GRM7: variants seen among roughly 807,000 people sequenced by gnomAD.
The protein encoded by GRM7 is metabotropic glutamate receptor 7.
A neutral mutation model predicts 84.5 loss-of-function variants in GRM7; 35 were observed. The ratio of observed to expected loss-of-function variants is 0.41; its 90% CI spans 0.32 to 0.55. The LOEUF is 0.55. GRM7 is among the 20% of genes least tolerant of loss of function. The pLI is 0.19. For synonymous variants in GRM7, 487 were observed against 455.1 expected (o/e 1.07, Z -0.89); for missense variants, 1,003 against 1,194.6 (o/e 0.84, Z 2.36).
At chr3:7,263,073 AG>A (rs1483015285) in intron 2 of GRM7, among the ~76,000 whole-genome samples, 6 of 152,174 alleles carry the variant, frequency 3.9e-5, no homozygotes, top group Non-Finnish European at 2.9e-5. Context: ...CAAGGTTTGA[AG>A]TTGCTGTCTT....
chr3:7,639,074 T>A (rs1698242155), intron 8 of GRM7, among the ~76,000 whole-genome samples: 1 of 152,146 alleles, frequency 6.6e-6, no homozygotes, highest in African/African-American at 2.4e-5. Context: ...CTTAAAACCT[T>A]CCACCTCTGT....
chr3:7,084,530 G>A (rs1698379132), intron 1 of GRM7, among the ~76,000 whole-genome samples: 1 of 152,154 alleles, frequency 6.6e-6, no homozygotes, highest in African/African-American at 2.4e-5. Flanking sequence ...ATGAGAAAAG[G>A]GATAACACTG....
chr3:7,422,703 C>G (rs1420020400), intron 5 of GRM7, among the ~76,000 whole-genome samples: 1 of 152,138 alleles, frequency 6.6e-6, no homozygotes, highest in Admixed American at 6.6e-5. Flanking sequence ...CCATATAACA[C>G]TGGCTTTTAG....
chr3:7,583,938 A>G (rs1221441680), intron 8 of GRM7, among the ~76,000 whole-genome samples: 2 of 152,190 alleles, frequency 1.3e-5, no homozygotes, highest in Non-Finnish European at 2.9e-5. Flanking sequence ...CTAATGGTCA[A>G]TGTAGGTCTT....
At chr3:7,403,814 T>C (rs1695561640) in intron 4 of GRM7, among the ~76,000 whole-genome samples, 1 of 151,106 alleles carries the variant, frequency 6.6e-6, no homozygotes, top group Non-Finnish European at 1.5e-5. Context: ...TATAAGAATA[T>C]GTGTGTGTGG....
intron 1 of GRM7, among the ~76,000 whole-genome samples, chr3:7,096,702 A>G (rs961033091): frequency 6.6e-6 from 1 of 152,204 alleles, no homozygotes; most frequent in African/African-American, 2.4e-5. Flanking sequence ...CAAAATTCCA[A>G]TGCTCTATTC....
At chr3:7,320,060 ATATAAT>A (rs564104826) in intron 4 of GRM7, among the ~76,000 whole-genome samples, 183 of 152,052 alleles carry the variant, frequency 1.2e-3, no homozygotes, top group South Asian at 0.01. Context: ...CTTTATATAA[ATATAAT>A]TATTTATTTA....
chr3:7,676,587 T>A (rs1295996806), intron 8 of GRM7, among the ~76,000 whole-genome samples: 2 of 21,626 alleles, frequency 9.2e-5, no homozygotes, highest in Non-Finnish European at 1.4e-4. Flanking sequence ...GCCTCCTGAG[T>A]TACTGGGATT....
At chr3:6,889,216 C>G (rs1191680065) in intron 1 of GRM7, among the ~76,000 whole-genome samples, 1 of 151,984 alleles carries the variant, frequency 6.6e-6, no homozygotes, top group Non-Finnish European at 1.5e-5. Context: ...AATTGAATGC[C>G]CTTTATTTCC....
At chr3:7,426,118 T>C (rs112846778) in intron 5 of GRM7, among the ~76,000 whole-genome samples, 3 of 142,316 alleles carry the variant, frequency 2.1e-5, no homozygotes, top group Non-Finnish European at 4.6e-5. Context: ...TTCTTTCTTT[T>C]TCTTTTTCTT....
At chr3:6,879,011 G>C (rs1695414555) in intron 1 of GRM7, among the ~76,000 whole-genome samples, 1 of 152,158 alleles carries the variant, frequency 6.6e-6, no homozygotes, top group Admixed American at 6.5e-5. Context: ...AGTTTACAGA[G>C]ACCCATAGGA....
chr3:7,099,976 A>T (rs1414793782), intron 1 of GRM7, among the ~76,000 whole-genome samples: 1 of 148,056 alleles, frequency 6.8e-6, no homozygotes, highest in Admixed American at 6.8e-5. Flanking sequence ...ATACATATAT[A>T]ATTGCATATG....
intron 1 of GRM7, among the ~76,000 whole-genome samples, chr3:7,041,289 T>C (rs991512109): frequency 6.6e-6 from 1 of 152,162 alleles, no homozygotes; most frequent in African/African-American, 2.4e-5. Context: ...CTAATTCTCC[T>C]GACTCCTTCC....
At chr3:7,451,508 A>C (rs182979489) in intron 5 of GRM7, among the ~76,000 whole-genome samples, 17 of 152,294 alleles carry the variant, frequency 1.1e-4, no homozygotes, top group African/African-American at 4.1e-4. Flanking sequence ...TAACAGCAAC[A>C]ATAGTCACAC....
chr3:7,617,009 A>G (rs1447765377), intron 8 of GRM7, among the ~76,000 whole-genome samples: 3 of 152,016 alleles, frequency 2.0e-5, no homozygotes, highest in Admixed American at 1.3e-4. Flanking sequence ...AGTGTTAGTG[A>G]CTTACTGTAT....
intron 2 of GRM7, among the ~76,000 whole-genome samples, chr3:7,276,977 G>A (rs993370216): frequency 6.6e-6 from 1 of 151,938 alleles, no homozygotes; most frequent in African/African-American, 2.4e-5. Flanking sequence ...GGGTTGGTTG[G>A]TTGTTTTCAA....
At chr3:7,536,915 A>T (rs6443114) in intron 7 of GRM7, among the ~76,000 whole-genome samples, 16,075 of 152,240 alleles carry the variant, frequency 0.11, 956 homozygotes, top group South Asian at 0.13. Flanking sequence ...GTTAAGTTAC[A>T]ACACTTGGGG....
intron 7 of GRM7, among the ~76,000 whole-genome samples, chr3:7,566,103 GTTTTTTTTTTTTTT>G (rs58178956): frequency 7.7e-6 from 1 of 129,984 alleles, no homozygotes; most frequent in Non-Finnish European, 1.6e-5. Flanking sequence ...TGAATCAGCT[GTTTTTTTTTTTTTT>G]TTTTTTTTTT....
At chr3:7,618,615 A>G (rs944655019) in intron 8 of GRM7, among the ~76,000 whole-genome samples, 4 of 152,126 alleles carry the variant, frequency 2.6e-5, no homozygotes, top group Non-Finnish European at 4.4e-5. Context: ...AGTGGACTCT[A>G]TTAAACTGAG....
Sources: gnomAD v4.1 joint callset for allele counts (sites outside exome capture counted in the v4.1 genomes callset) on GRCh38, gnomAD v4.1.1 for gene constraint, MANE v1.5 for transcripts, NCBI Gene and HGNC (gene_info 2026-07-23, HGNC 2026-07-21) for gene names.